BEST3: variants seen among roughly 807,000 people sequenced by gnomAD.
BEST3 encodes bestrophin-3.
Under a neutral mutation model 47.1 loss-of-function variants are expected in BEST3, and 50 were observed. The ratio of observed to expected loss-of-function variants is 1.06; its 90% CI spans 0.85 to 1.34. The LOEUF is 1.34. Among genes scored for constraint, BEST3 ranks in the 40% most tolerant of loss-of-function variants. The pLI is 0.00. For missense variants in BEST3, 765 were observed against 817.0 expected (o/e 0.94, Z 0.78); for synonymous variants, 282 against 298.8 (o/e 0.94, Z 0.58).
intron 4 of BEST3, among the ~76,000 whole-genome samples, chr12:69,690,885 A>AT (rs921700383): frequency 1.1e-4 from 17 of 151,676 alleles, no homozygotes; most frequent in East Asian, 9.7e-4. Flanking sequence ...ATGGCAATTA[A>AT]TTTTTTTTTA....
chr12:69,651,872 G>C (rs1883222151), downstream of BEST3, among the ~76,000 whole-genome samples: 1 of 151,824 alleles, frequency 6.6e-6, no homozygotes, highest in Non-Finnish European at 1.5e-5. Context: ...AACAAGAGGA[G>C]TATTTCTAAG....
intron 4 of BEST3, chr12:69,684,632 A>G (rs959500826): frequency 2.2e-5 from 14 of 641,204 alleles, no homozygotes; most frequent in Non-Finnish European, 4.2e-5. Flanking sequence ...TTGTGTATTC[A>G]GCATCTGAGC....
downstream of BEST3, among the ~76,000 whole-genome samples, chr12:69,652,003 C>A (rs1883225325): frequency 6.6e-6 from 1 of 152,070 alleles, no homozygotes; most frequent in South Asian, 2.1e-4. Context: ...AGGCGATACA[C>A]CATGAAGTAG....
chr12:69,685,590 T>C (rs985344355), intron 4 of BEST3, among the ~76,000 whole-genome samples: 5 of 152,190 alleles, frequency 3.3e-5, no homozygotes, highest in African/African-American at 1.2e-4. Context: ...GATTCCAACA[T>C]GCAGCAAAGT....
intron 4 of BEST3, among the ~76,000 whole-genome samples, chr12:69,682,081 C>CAAAAAAAAAAAA (rs35331064): frequency 9.8e-6 from 1 of 102,322 alleles, no homozygotes; most frequent in Non-Finnish European, 1.8e-5. Flanking sequence ...GACTCCGTCT[C>CAAAAAAAAAAAA]AAAAAAAAAA....
intron 9 of BEST3, chr12:69,670,376 G>A (rs1884486653): frequency 1.6e-5 from 11 of 689,380 alleles, no homozygotes; most frequent in East Asian, 8.1e-5. Flanking sequence ...TGTGCTTTGC[G>A]GGCAACAAGG....
At chr12:69,687,346 G>C (rs1885675116) in intron 4 of BEST3, 1 of 152,126 alleles carries the variant, frequency 6.6e-6, no homozygotes, top group Non-Finnish European at 1.5e-5. Flanking sequence ...TAAGATTCCA[G>C]GGCAGGCCAG....
At chr12:69,690,467 A>G (rs1158844454) in intron 4 of BEST3, among the ~76,000 whole-genome samples, 2 of 152,166 alleles carry the variant, frequency 1.3e-5, no homozygotes, top group East Asian at 3.8e-4. Flanking sequence ...ACCTGAGCAC[A>G]GCTCAGTCCT....
intron 7 of BEST3, among the ~76,000 whole-genome samples, chr12:69,676,686 A>G (rs1479155252): frequency 2.6e-5 from 4 of 152,252 alleles, no homozygotes; most frequent in African/African-American, 9.6e-5. Flanking sequence ...AAGAGAATCA[A>G]TAGCCATAAG....
chr12:69,693,928 A>G (rs1458895191), intron 3 of BEST3, 21 bp from the exon 4 acceptor site: 1 of 1,552,080 alleles, frequency 6.4e-7, no homozygotes, highest in East Asian at 2.3e-5. Context: ...ACAGGAAATT[A>G]TAAAGCAGTT....
chr12:69,646,959 A>C (rs754277847), intron 9 of BEST3, among the ~76,000 whole-genome samples: 11 of 152,198 alleles, frequency 7.2e-5, no homozygotes, highest in Non-Finnish European at 1.6e-4. Context: ...GATGAGATTC[A>C]TTCACTTCTG....
Position 69,693,884 on chromosome 12 carries a change from T to C in BEST3, c.271A>G (p.Asn91Asp), listed in dbSNP as rs772431485. The change falls in exon 4 of 10, where the codon AAC becomes GAC. Residue 91 changes from asparagine to aspartate, a missense_variant. Coordinates refer to ENST00000330891, the MANE Select transcript of BEST3 (RefSeq NM_032735.3). The stretch of plus-strand genomic sequence containing the variant: ...TTCACAAACTGGTTCCACCATCGGT[T>C]CACTACCAGAGTAACATAAAACCCT... Reference protein sequence around the residue: ...VLGFYVTLVVNRWWNQFVNLP... With the variant: ...VLGFYVTLVVDRWWNQFVNLP... 1 of 1,611,532 alleles carries C rather than the reference T, an allele frequency of 6.2e-7. No homozygotes were observed. Among genetic ancestry groups the C allele is most frequent in the Non-Finnish European group, 8.5e-7 (1 of 1,178,708 alleles).
In BEST3 at chr12:69,672,949, A is replaced by G; in HGVS notation, c.884T>C (p.Ile295Thr). 6.2e-7 allele frequency: 1 copy of G among 1,613,414 alleles called. No individual in the cohort carries two copies. Among genetic ancestry groups the G allele is most frequent in the Non-Finnish European group, 8.5e-7 (1 of 1,179,646 alleles). The change falls in exon 8 of 10, where the codon ATC becomes ACC. Residue 295 changes from isoleucine to threonine, a missense_variant. Transcript: ENST00000330891. ...AGWLKVAEQL[I>T]NPFGEDDDDF... Reference sequence around the variant, plus strand: ...ATCATCATCTTCTCCAAAAGGGTTGATAAGCTGCTCTGCTACCTGTAGTTG... The same window carrying G: ...ATCATCATCTTCTCCAAAAGGGTTGGTAAGCTGCTCTGCTACCTGTAGTTG...
rs2135905607 is a variant in BEST3 at position 69,654,565 on chromosome 12, A to G, written c.*342T>C. 9.8e-7 allele frequency: 1 copy of G among 1,022,780 alleles called. No individual in the cohort carries two copies. The highest frequency in any genetic ancestry group is 1.2e-6 in the Non-Finnish European group (1 of 852,472). 63.4% of individuals were successfully genotyped at this position (1,022,780 alleles called of 1,614,324 possible). ...GCCTTTGGGTCTAGGGGATTGGACT[A>G]TGATCTATGAGACTCTTTCCACAAC... is the stretch of plus-strand genomic sequence containing the variant. On this transcript the variant is annotated 3_prime_UTR_variant, in exon 10 of 10. Transcript: ENST00000330891.
downstream of BEST3, among the ~76,000 whole-genome samples, chr12:69,651,952 C>T (rs1565818010): frequency 6.6e-6 from 1 of 152,104 alleles, no homozygotes. Flanking sequence ...TTTTCCATAG[C>T]TTAGCTGAAC....
In BEST3 at chr12:69,655,419, GT is replaced by G; in HGVS notation, c.1494del (p.Leu499TrpfsTer6). The G allele has an allele frequency of 6.2e-7, 1 of 1,614,166 alleles. No individual in the cohort carries two copies. The highest frequency in any genetic ancestry group is 8.5e-7 in the Non-Finnish European group (1 of 1,180,018). On this transcript the variant is annotated frameshift_variant, in exon 10 of 10. Coordinates refer to ENST00000330891, the MANE Select transcript of BEST3 (RefSeq NM_032735.3). LOFTEE classifies it low-confidence loss of function (END_TRUNC). ...GCTGTGATCAATACCTCAGGTACCA[GT>G]GGCATTTTGATGGGGGAAGTTCTCA... ...SSVRTSPIKMPLVPEVLITAA... is the reference protein window; with the variant it reads ...SSVRTSPIKMXLVPEVLITAA...
chr12:69,699,133 C>T (rs1003190255), intron 1 of BEST3, 72 bp downstream of exon 1: 34 of 864,652 alleles, frequency 3.9e-5, no homozygotes, highest in Non-Finnish European at 4.6e-5. Context: ...TTTTCAAGCT[C>T]TGCCAGGAAA....
At position 69,688,405 on chromosome 12, in the gene BEST3, A is replaced by G. The variant is rs753073493; in HGVS notation, c.481+5269T>C. Among the ~76,000 whole-genome samples, 3 of 152,336 alleles carry G rather than the reference A, an allele frequency of 2.0e-5. No individual in the cohort carries two copies. The East Asian group carries it at 5.8e-4, about 29-fold the overall frequency. On this transcript the variant is annotated intron_variant, in intron 4 of 9. Coordinates refer to ENST00000330891, the MANE Select transcript of BEST3 (RefSeq NM_032735.3). Reference sequence around the variant, plus strand: ...TTCAGCATAATAGACATTATTCCGAATTCCACTGTTGTATTTTTATTTTCA... The same window carrying G: ...TTCAGCATAATAGACATTATTCCGAGTTCCACTGTTGTATTTTTATTTTCA...
At chr12:69,687,236 G>A (rs1228499483) in intron 4 of BEST3, 1 of 152,184 alleles carries the variant, frequency 6.6e-6, no homozygotes, top group Non-Finnish European at 1.5e-5. Context: ...TGGCTTGCTT[G>A]GTTATATTAA....
Sources: gnomAD v4.1 joint callset for allele counts (sites outside exome capture counted in the v4.1 genomes callset) on GRCh38, gnomAD v4.1.1 for gene constraint, MANE v1.5 for transcripts, NCBI Gene and HGNC (gene_info 2026-07-23, HGNC 2026-07-21) for gene names.